The following PLD5 variants were observed in gnomAD, a reference collection of about 807,000 sequenced individuals.
PLD5 encodes phospholipase D family member 5.
A neutral mutation model predicts 61.1 loss-of-function variants in PLD5; 36 were observed. The ratio of observed to expected loss-of-function variants is 0.59; its 90% confidence interval spans 0.45 to 0.78. The LOEUF (loss-of-function observed/expected upper bound fraction) is 0.78, where lower values mean the gene tolerates loss of function less well. Ranked by LOEUF, PLD5 falls within the 30% of genes least tolerant of loss-of-function variation. PLD5 has a pLI of 0.00. For synonymous variants in PLD5, 243 were observed against 242.8 expected (o/e 1.00, Z -0.01); for missense variants, 515 against 644.4 (o/e 0.80, Z 2.17).
Position 242,089,102 on chromosome 1 carries a change from G to C in PLD5, c.*752C>G. On this transcript the variant is annotated 3_prime_UTR_variant, in exon 10 of 10. Transcript: ENST00000536534. ...TGTGATTTTTTTTAAATACCAATTCGGTAGGGGAAAAAAGGATTCAGTTGA... is the reference window on the plus strand; with the variant it reads ...TGTGATTTTTTTTAAATACCAATTCCGTAGGGGAAAAAAGGATTCAGTTGA... 1 of 381,206 alleles carries C rather than the reference G, an allele frequency of 2.6e-6. No individual in the cohort carries two copies. Among genetic ancestry groups the C allele is most frequent in the African/African-American group, 2.1e-5 (1 of 48,256 alleles). 23.6% of individuals were successfully genotyped at this position (381,206 alleles called of 1,614,324 possible). A position where few individuals can be genotyped will look rare whatever the true frequency, so the allele number is the denominator to read the frequency against.
rs144562550 is a variant in PLD5 at position 242,421,639 on chromosome 1, G to A, written c.190-73397C>T. On this transcript the variant is annotated intron_variant, in intron 1 of 9. Coordinates refer to ENST00000536534, the MANE Select transcript of PLD5 (RefSeq NM_001372062.1). ...ATCCTATATCAACGAAAGTTGGGAG[G>A]TCTTCACGAAGCTTCCATGGGAAGT... 5.0e-3 allele frequency among the ~76,000 whole-genome samples: 764 copies of A among 152,322 alleles called. 4 individuals are homozygous for A. Among genetic ancestry groups the A allele is most frequent in the Non-Finnish European group, 7.5e-3 (509 of 68,030 alleles).
chr1:242,301,216 C>G (rs1038825641), intron 2 of PLD5, among the ~76,000 whole-genome samples: 1 of 152,098 alleles, frequency 6.6e-6, no homozygotes, highest in East Asian at 1.9e-4. Flanking sequence ...ATAAGCCTAC[C>G]TAGTTCTGGG....
chr1:242,378,952 C>T (rs1212862544), intron 1 of PLD5, among the ~76,000 whole-genome samples: 1 of 152,160 alleles, frequency 6.6e-6, no homozygotes. Flanking sequence ...CTACTTAGGT[C>T]TCTCCCTAAA....
chr1:242,486,380 C>G (rs1310865232), intron 1 of PLD5, among the ~76,000 whole-genome samples: 2 of 151,968 alleles, frequency 1.3e-5, no homozygotes, highest in Admixed American at 1.3e-4. Context: ...AAAAAACAAC[C>G]CCATCAAAAA....
At chr1:242,409,848 A>C (rs1664449949) in intron 1 of PLD5, among the ~76,000 whole-genome samples, 1 of 152,200 alleles carries the variant, frequency 6.6e-6, no homozygotes, top group Non-Finnish European at 1.5e-5. Flanking sequence ...GTTGCCAGGC[A>C]CATGTGAAGG....
At chr1:242,139,899 AG>A (rs1414932080) in intron 5 of PLD5, among the ~76,000 whole-genome samples, 1 of 152,174 alleles carries the variant, frequency 6.6e-6, no homozygotes, top group African/African-American at 2.4e-5. Flanking sequence ...GGCCATTGGC[AG>A]GGAAGATTTC....
intron 1 of PLD5, among the ~76,000 whole-genome samples, chr1:242,369,336 A>C (rs1661508829): frequency 6.6e-6 from 1 of 152,194 alleles, no homozygotes; most frequent in African/African-American, 2.4e-5. Flanking sequence ...AGTTTTTATC[A>C]GAATTTTAAA....
intron 3 of PLD5, among the ~76,000 whole-genome samples, chr1:242,266,625 G>A (rs192844471): frequency 3.5e-4 from 54 of 152,254 alleles, no homozygotes; most frequent in Non-Finnish European, 6.9e-4. Flanking sequence ...TTTGCTGTTG[G>A]TTCACAAACT....
intron 2 of PLD5, among the ~76,000 whole-genome samples, chr1:242,296,791 C>T (rs933438191): frequency 1.3e-5 from 2 of 152,138 alleles, no homozygotes; most frequent in African/African-American, 4.8e-5. Flanking sequence ...GATCATAGCA[C>T]ACTGCAGCCT....
At position 242,393,488 on chromosome 1, in the gene PLD5, GTA is replaced by G. The variant is rs1218390975; in HGVS notation, c.190-45248_190-45247del. On this transcript the variant is annotated intron_variant, in intron 1 of 9. Coordinates refer to ENST00000536534, the MANE Select transcript of PLD5 (RefSeq NM_001372062.1). ...TGAGTATATATATGTGTATATATGA[GTA>G]TATATATGTGTATATATGAGTATAT... 3.1e-3 allele frequency among the ~76,000 whole-genome samples: 68 copies of G among 21,688 alleles called. 13 individuals are homozygous for G. Among genetic ancestry groups the G allele is most frequent in the South Asian group, 0.011 (4 of 356 alleles). The allele number at this position is 21,688 out of a possible 152,430, so 14.2% of individuals were successfully genotyped here.
chr1:242,514,547 C>T (rs976002689), intron 1 of PLD5, among the ~76,000 whole-genome samples: 2 of 151,870 alleles, frequency 1.3e-5, no homozygotes, highest in African/African-American at 4.8e-5. Context: ...CATGTGTTTA[C>T]CCATGTAACA....
At chr1:242,482,019 TAACA>T (rs1024252784) in intron 1 of PLD5, among the ~76,000 whole-genome samples, 6 of 152,122 alleles carry the variant, frequency 3.9e-5, no homozygotes, top group African/African-American at 1.2e-4. Context: ...GAAGGAAAAC[TAACA>T]AACAGAAAGG....
chr1:242,218,855 G>C (rs753499422), intron 5 of PLD5, among the ~76,000 whole-genome samples: 3 of 152,086 alleles, frequency 2.0e-5, no homozygotes, highest in Non-Finnish European at 4.4e-5. Flanking sequence ...ATTATAAGAG[G>C]AGTATTTCCA....
chr1:242,464,603 T>C (rs1667218632), intron 1 of PLD5, among the ~76,000 whole-genome samples: 1 of 152,216 alleles, frequency 6.6e-6, no homozygotes, highest in African/African-American at 2.4e-5. Flanking sequence ...AGTTTGGAAG[T>C]TCCTCAAAAG....
At chr1:242,363,175 A>G (rs145945658) in intron 1 of PLD5, among the ~76,000 whole-genome samples, 2,991 of 151,832 alleles carry the variant, frequency 0.02, 44 homozygotes, top group East Asian at 0.031. Flanking sequence ...TGGAAGGAGC[A>G]GATGGAATAA....
intron 5 of PLD5, among the ~76,000 whole-genome samples, chr1:242,149,916 C>A (rs1302353515): frequency 6.6e-6 from 1 of 151,636 alleles, no homozygotes; most frequent in Non-Finnish European, 1.5e-5. Context: ...TTAATTTGTT[C>A]AAGAACTAGA....
chr1:242,459,719 C>G (rs1167742935), intron 1 of PLD5, among the ~76,000 whole-genome samples: 2 of 152,168 alleles, frequency 1.3e-5, no homozygotes, highest in Admixed American at 6.5e-5. Context: ...GTGCTTCCCC[C>G]TACAGAGAGC....
In PLD5 at chr1:242,176,103, A is replaced by T. The variant is rs1488686756; in HGVS notation, c.735+43885T>A. Among the ~76,000 whole-genome samples, 4 of 152,204 alleles carry T rather than the reference A, an allele frequency of 2.6e-5. No individual in the cohort carries two copies. The East Asian group carries it at 7.7e-4, about 29-fold the overall frequency. On this transcript the variant is annotated intron_variant, in intron 5 of 9. Transcript: ENST00000536534. Reference sequence around the variant, plus strand: ...AAAACTGCTTTAAAGTTCATATGGAACCAAAAAAGAGCCCGCATAGCCAAG... The same window carrying T: ...AAAACTGCTTTAAAGTTCATATGGATCCAAAAAAGAGCCCGCATAGCCAAG...
intron 1 of PLD5, among the ~76,000 whole-genome samples, chr1:242,357,780 C>A (rs1231433542): frequency 6.6e-6 from 1 of 152,132 alleles, no homozygotes; most frequent in African/African-American, 2.4e-5. Flanking sequence ...AGCCACTGTG[C>A]CTGGCCATTA....
Sources: gnomAD v4.1 joint callset for allele counts (sites outside exome capture counted in the v4.1 genomes callset) on GRCh38, gnomAD v4.1.1 for gene constraint, MANE v1.5 for transcripts, NCBI Gene and HGNC (gene_info 2026-07-23, HGNC 2026-07-21) for gene names.